Variants in SH2D1A observed in about 807,000 individuals in gnomAD.
SH2D1A encodes SH2 domain-containing protein 1A.
In SH2D1A, 6 loss-of-function variants were observed where a neutral mutation model predicts 10.1. The ratio of observed to expected loss-of-function variants is 0.60; its 90% CI spans 0.33 to 1.18. SH2D1A has a LOEUF of 1.18. Among genes scored for constraint, SH2D1A ranks in the 50% most tolerant of loss-of-function variants. The pLI is 0.04. For synonymous variants in SH2D1A, 42 were observed against 36.9 expected (o/e 1.14, Z -0.51); for missense variants, 51 against 97.6 (o/e 0.52, Z 2.01).
chrX:124,347,014 C>G (rs1294299456), intron 1 of SH2D1A, among the ~76,000 whole-genome samples: 1 of 111,366 alleles, frequency 9.0e-6, no homozygotes, highest in Non-Finnish European at 1.9e-5. Flanking sequence ...AGGCCCTCAC[C>G]AGAGCCTTTT....
At chrX:124,353,742 C>A (rs1408653122) in intron 1 of SH2D1A, among the ~76,000 whole-genome samples, 1 of 112,143 alleles carries the variant, frequency 8.9e-6, no homozygotes, top group Non-Finnish European at 1.9e-5. Flanking sequence ...TGCTACTTAT[C>A]TGATGGAAGA....
intron 2 of SH2D1A, among the ~76,000 whole-genome samples, chrX:124,366,651 G>A (rs186948799): frequency 1.8e-5 from 2 of 110,776 alleles, no homozygotes; most frequent in Admixed American, 9.7e-5. Flanking sequence ...GACCACAAAT[G>A]TTTTGAACCA....
intron 1 of SH2D1A, among the ~76,000 whole-genome samples, chrX:124,360,949 A>G (rs889143076): frequency 9.0e-6 from 1 of 111,660 alleles, no homozygotes; most frequent in Non-Finnish European, 1.9e-5. Flanking sequence ...CTTAATCTCT[A>G]GACTGATTTT....
At chrX:124,365,967 A>G (rs1351059820) in intron 2 of SH2D1A, 143 bp downstream of exon 2, 13 of 460,056 alleles carry the variant, frequency 2.8e-5, no homozygotes, top group Non-Finnish European at 5.0e-5. Flanking sequence ...TTGTTCATGG[A>G]TCATTAAGAA....
rs758699460 is a variant in SH2D1A, at chrX:124,346,843, G to A, written c.137+64G>A. ...TGGGCGGTGGGCAACAGCAGCTGGG[G>A]CCAGGGTGGAGGCCGAGGCAGGCAG... On this transcript the variant is annotated intron_variant, in intron 1 of 3. Transcript: ENST00000371139. 48 of 1,182,389 alleles carry A rather than the reference G, an allele frequency of 4.1e-5. No individual in the cohort carries two copies. In the East Asian group the frequency reaches 1.4e-3, roughly 34 times the overall value.
rs1214435304 is a variant in SH2D1A, at chrX:124,372,193, C to G, written c.*802C>G. On this transcript the variant is annotated 3_prime_UTR_variant, in exon 4 of 4. Transcript: ENST00000371139. ...CAGCTCATGAGTAACTGATTTGTAACAAGCCTCCTTTTAAAGTAACCCTAC... is the reference window on the plus strand; with the variant it reads ...CAGCTCATGAGTAACTGATTTGTAAGAAGCCTCCTTTTAAAGTAACCCTAC... 6.1e-6 allele frequency: 1 copy of G among 163,945 alleles called. No homozygotes were observed. Among genetic ancestry groups the G allele is most frequent in the East Asian group, 8.9e-5 (1 of 11,247 alleles). The allele number at this position is 163,945 out of a possible 1,213,427, so 13.5% of individuals were successfully genotyped here. A position where few individuals can be genotyped will look rare whatever the true frequency, so the allele number is the denominator to read the frequency against.
rs1159306245 is a variant in SH2D1A at position 124,350,755 on chromosome X, GAT to G, written c.137+3980_137+3981del. Among the ~76,000 whole-genome samples the G allele has an allele frequency of 2.3e-4, 3 of 12,990 alleles. No individual in the cohort carries two copies. In the East Asian group the frequency reaches 6.2e-3, roughly 27 times the overall value. The allele number at this position is 12,990 out of a possible 115,157, so 11.3% of individuals were successfully genotyped here. On this transcript the variant is annotated intron_variant, in intron 1 of 3. Transcript: ENST00000371139. ...ATAATATATTATATATTGTATATAA[GAT>G]ATAATATATTATATATTGTATATAA...
chrX:124,354,682 T>C (rs1250092137), intron 1 of SH2D1A, among the ~76,000 whole-genome samples: 2 of 112,141 alleles, frequency 1.8e-5, no homozygotes, highest in Non-Finnish European at 3.8e-5. Context: ...ATGATGATTA[T>C]GACATGAGTT....
At chrX:124,365,896 G>T (rs1483022584) in intron 2 of SH2D1A, 72 bp downstream of exon 2, 4 of 642,871 alleles carry the variant, frequency 6.2e-6, no homozygotes, top group South Asian at 2.2e-5. Flanking sequence ...TTTTATAAAA[G>T]AGCAAATTAT....
intron 1 of SH2D1A, among the ~76,000 whole-genome samples, chrX:124,351,555 C>T (rs1186014441): frequency 9.0e-6 from 1 of 110,670 alleles, no homozygotes; most frequent in Non-Finnish European, 1.9e-5. Context: ...GTCCATTTCA[C>T]CACACCCTCA....
intron 1 of SH2D1A, among the ~76,000 whole-genome samples, chrX:124,359,931 G>A (rs1219703127): frequency 9.1e-6 from 1 of 110,168 alleles, no homozygotes; most frequent in African/African-American, 3.3e-5. Flanking sequence ...TTTAGATGGA[G>A]TCTCACTCTT....
At chrX:124,369,539 G>T (rs5958473) in intron 2 of SH2D1A, among the ~76,000 whole-genome samples, 6,718 of 111,863 alleles carry the variant, frequency 0.06, 497 homozygotes, top group African/African-American at 0.21. Flanking sequence ...CTGATGGAGA[G>T]AACAATTTTG....
At chrX:124,358,889 T>C (rs1044329388) in intron 1 of SH2D1A, among the ~76,000 whole-genome samples, 2 of 111,898 alleles carry the variant, frequency 1.8e-5, no homozygotes, top group Non-Finnish European at 3.8e-5. Context: ...AGCTCCCAGG[T>C]GATGTTGATG....
Position 124,372,588 on chromosome X carries a change from G to A in SH2D1A, c.*1197G>A, listed in dbSNP as rs995151727. 1 of 169,721 alleles carries A rather than the reference G, an allele frequency of 5.9e-6. No homozygotes were observed. Among genetic ancestry groups the A allele is most frequent in the African/African-American group, 3.0e-5 (1 of 33,733 alleles). The allele number at this position is 169,721 out of a possible 1,213,427, so 14.0% of individuals were successfully genotyped here. On this transcript the variant is annotated 3_prime_UTR_variant, in exon 4 of 4. Coordinates refer to ENST00000371139, the MANE Select transcript of SH2D1A (RefSeq NM_002351.5). Reference sequence around the variant, plus strand: ...AAGTTGATAAGTACATGATAAGCGAGGTTCCCCGTGTGTAGGTAGATCTGG... The same window carrying A: ...AAGTTGATAAGTACATGATAAGCGAAGTTCCCCGTGTGTAGGTAGATCTGG...
chrX:124,370,858 A>T (rs1204398634), intron 3 of SH2D1A, among the ~76,000 whole-genome samples: 7 of 112,176 alleles, frequency 6.2e-5, no homozygotes, highest in Non-Finnish European at 3.8e-5. Flanking sequence ...ATATTGTTAC[A>T]TATCCTGAGC....
At chrX:124,370,964 G>C (rs1243477138) in intron 3 of SH2D1A, among the ~76,000 whole-genome samples, 1 of 111,627 alleles carries the variant, frequency 9.0e-6, no homozygotes, top group Non-Finnish European at 1.9e-5. Context: ...TATTGAATGG[G>C]GTTTATCATT....
At chrX:124,364,377 C>A in intron 1 of SH2D1A, 2 of 254,255 alleles carry the variant, frequency 7.9e-6, no homozygotes, top group Non-Finnish European at 1.5e-5. Context: ...TAAAGAAAAA[C>A]AGTTTTGTAC....
intron 1 of SH2D1A, among the ~76,000 whole-genome samples, chrX:124,358,735 C>A (rs1313676620): frequency 8.9e-6 from 1 of 111,774 alleles, no homozygotes; most frequent in Non-Finnish European, 1.9e-5. Flanking sequence ...ATCAATATTC[C>A]CAATGAGATG....
intron 1 of SH2D1A, among the ~76,000 whole-genome samples, chrX:124,351,867 AC>A (rs1045685733): frequency 5.4e-5 from 6 of 110,375 alleles, no homozygotes; most frequent in African/African-American, 2.0e-4. Context: ...GTTTGCCCTT[AC>A]TTTTTTGACA....
Sources: allele counts gnomAD v4.1 joint callset (sites outside exome capture counted in the v4.1 genomes callset), GRCh38; gene constraint gnomAD v4.1.1; transcripts MANE v1.5; gene names NCBI Gene and HGNC (gene_info 2026-07-23, HGNC 2026-07-21).